The following COL14A1 variants were observed in gnomAD, a reference collection of about 807,000 sequenced individuals.
The protein encoded by COL14A1 is collagen alpha-1(XIV) chain.
COL14A1 carries 136 observed loss-of-function variants against 230.3 expected under a neutral mutation model. That is an observed-to-expected ratio of 0.59 (90% CI 0.51 to 0.68). The LOEUF is 0.68. COL14A1 is among the 30% of genes least tolerant of loss of function. The probability of loss-of-function intolerance (pLI) is 0.00; values close to 1 mark genes in which losing one functional copy is unlikely to be tolerated. For missense variants in COL14A1, 1,976 were observed against 2,215.8 expected, an observed-to-expected ratio of 0.89 and a Z score of 2.17; for synonymous variants, 792 against 784.1, an observed-to-expected ratio of 1.01 and a Z score of -0.17.
At chr8:120,323,123 A>T (rs560463575) in intron 40 of COL14A1, among the ~76,000 whole-genome samples, 1 of 152,102 alleles carries the variant, frequency 6.6e-6, no homozygotes, top group Non-Finnish European at 1.5e-5. Flanking sequence ...CTGGTGTGAG[A>T]TCGCATCTCA....
intron 45 of COL14A1, among the ~76,000 whole-genome samples, chr8:120,360,728 G>A (rs1259831800): frequency 6.6e-6 from 1 of 152,086 alleles, no homozygotes; most frequent in Non-Finnish European, 1.5e-5. Flanking sequence ...ACTCCATGAC[G>A]ACCTGCTACA....
At chr8:120,225,247 G>T in intron 15 of COL14A1, 33 bp downstream of exon 15, 1 of 1,603,808 alleles carries the variant, frequency 6.2e-7, no homozygotes, top group South Asian at 1.1e-5. Flanking sequence ...GAAAAGTTTT[G>T]AGAGTAGCTA....
intron 23 of COL14A1, among the ~76,000 whole-genome samples, chr8:120,257,433 G>A (rs1450330542): frequency 1.3e-5 from 2 of 152,050 alleles, no homozygotes; most frequent in Non-Finnish European, 2.9e-5. Flanking sequence ...ACTGGAAAAG[G>A]AATGTTTGAT....
At chr8:120,159,182 A>G (rs1815577574) in intron 3 of COL14A1, among the ~76,000 whole-genome samples, 1 of 152,214 alleles carries the variant, frequency 6.6e-6, no homozygotes, top group Non-Finnish European at 1.5e-5. Context: ...AATGCAGAAT[A>G]CTGGGCTCTA....
At chr8:120,270,252 G>C (rs865898119) in intron 26 of COL14A1, 78 bp downstream of exon 26, 4 of 1,387,874 alleles carry the variant, frequency 2.9e-6, no homozygotes, top group East Asian at 5.0e-5. Context: ...TACTTGTCAG[G>C]GACTATAGGT....
At chr8:120,178,667 G>C (rs1816364522) in intron 5 of COL14A1, among the ~76,000 whole-genome samples, 1 of 152,154 alleles carries the variant, frequency 6.6e-6, no homozygotes, top group South Asian at 2.1e-4. Flanking sequence ...CTTCCACAAT[G>C]GTTGAACTAA....
chr8:120,252,857 G>A (rs374942268), intron 22 of COL14A1, among the ~76,000 whole-genome samples: 5 of 152,142 alleles, frequency 3.3e-5, no homozygotes, highest in South Asian at 2.1e-4. Context: ...AGCGCCCCCC[G>A]ATTGCATATA....
chr8:120,318,631 T>C (rs1821322531), intron 40 of COL14A1, among the ~76,000 whole-genome samples: 1 of 152,084 alleles, frequency 6.6e-6, no homozygotes, highest in Non-Finnish European at 1.5e-5. Flanking sequence ...GGGCCATCTC[T>C]CCCTGGTTTG....
chr8:120,208,697 T>C (rs1353145092), intron 11 of COL14A1, among the ~76,000 whole-genome samples: 2 of 152,286 alleles, frequency 1.3e-5, no homozygotes, highest in Admixed American at 6.5e-5. Context: ...TCAGTAGAAG[T>C]AGAGAAAAAA....
intron 44 of COL14A1, among the ~76,000 whole-genome samples, chr8:120,343,264 T>C (rs1198069078): frequency 1.3e-5 from 2 of 152,136 alleles, no homozygotes; most frequent in Admixed American, 1.3e-4. Flanking sequence ...CAAGCAGAGG[T>C]GAACTATCTC....
chr8:120,177,856 G>A (rs1340052182), intron 5 of COL14A1, among the ~76,000 whole-genome samples: 1 of 151,612 alleles, frequency 6.6e-6, no homozygotes, highest in Non-Finnish European at 1.5e-5. Context: ...AACATAAAGA[G>A]TTCTGAAGAG....
In COL14A1 at chr8:120,280,978, G is replaced by A; in HGVS notation, c.3743G>A (p.Gly1248Glu). Residue 1248 changes from glycine (G) to glutamate (E), a missense_variant, in exon 31 of 48, where the codon GGG (glycine) becomes GAG (glutamate). This residue lies in a region of COL14A1 where 1,791 missense variants were observed against 2,019.5 expected (regional missense o/e 0.89). Transcript: ENST00000297848. ...LVEKDFSSVE[G>E]VSMEPGTFNV... ...GAAAAAGATTTTTCATCAGTGGAAG[G>A]GGTTTCTATGGAGCCTGGTACCTTC... 1.2e-6 allele frequency: 2 copies of A among 1,612,382 alleles called. No individual in the cohort carries two copies. The highest frequency in any genetic ancestry group is 1.7e-6 in the Non-Finnish European group (2 of 1,179,126).
At chr8:120,283,494 C>A in intron 31 of COL14A1, 142 bp from the exon 32 acceptor site, 1 of 766,792 alleles carries the variant, frequency 1.3e-6, no homozygotes, top group Non-Finnish European at 2.1e-6. Context: ...TAAATTAGAT[C>A]AACAGTGATC....
Position 120,297,494 on chromosome 8 carries a change from T to C in COL14A1, c.4237-17T>C. The stretch of plus-strand genomic sequence containing the variant: ...ATATATATTTTATTGAATGACAATT[T>C]TCTTTTTAAATCATAGTTCCAGTTA... On this transcript the variant is annotated splice_polypyrimidine_tract_variant and intron_variant, in intron 34 of 47. Transcript: ENST00000297848. The C allele has an allele frequency of 7.3e-7, 1 of 1,372,222 alleles. No individual in the cohort carries two copies. The allele number at this position is 1,372,222 out of a possible 1,614,324, so 85.0% of individuals were successfully genotyped here.
chr8:120,264,733 T>C (rs1359506911), intron 24 of COL14A1, among the ~76,000 whole-genome samples: 1 of 152,172 alleles, frequency 6.6e-6, no homozygotes, highest in Admixed American at 6.6e-5. Flanking sequence ...TCTATCTTCA[T>C]GGTGCCAATC....
intron 45 of COL14A1, among the ~76,000 whole-genome samples, chr8:120,358,261 AGAGTATGCTTTCTT>A (rs1823055313): frequency 6.6e-6 from 1 of 152,188 alleles, no homozygotes; most frequent in African/African-American, 2.4e-5. Flanking sequence ...ATACCCAGAT[AGAGTATGCTTTCTT>A]GAATTGGCCC....
chr8:120,183,540 T>C (rs1183583855), intron 5 of COL14A1, among the ~76,000 whole-genome samples: 1 of 152,218 alleles, frequency 6.6e-6, no homozygotes, highest in Non-Finnish European at 1.5e-5. Context: ...CCTAATCCCT[T>C]GTCTATATGA....
At chr8:120,213,858 T>A (rs1817677246) in intron 13 of COL14A1, 1 of 346,718 alleles carries the variant, frequency 2.9e-6, no homozygotes, top group African/African-American at 2.2e-5. Flanking sequence ...GTAATAGAAT[T>A]CCAGAAAAAT....
Position 120,279,977 on chromosome 8 carries a change from C to T in COL14A1, c.3524C>T (p.Ser1175Leu), listed in dbSNP as rs369127166. 42 of 1,613,588 alleles carry T rather than the reference C, an allele frequency of 2.6e-5. No homozygotes were observed. The highest frequency in any genetic ancestry group is 1.7e-5 in the Non-Finnish European group (20 of 1,179,820). The part of the protein sequence containing the change: ...FAIGVADADY[S>L]ELVSIGSKPS... ...ATTGGTGTGGCCGATGCAGATTACT[C>T]GGAGTTGGTTAGCATTGGCAGTAAG... Residue 1175 changes from serine to leucine, a missense_variant, in exon 29 of 48, where the codon TCG becomes TTG. Around this residue, in one of 3 missense-constraint regions of COL14A1, gnomAD observed 1,791 missense variants for 2,019.5 expected, o/e 0.89. Coordinates refer to ENST00000297848, the MANE Select transcript of COL14A1 (RefSeq NM_021110.4).
Sources: allele counts gnomAD v4.1 joint callset (sites outside exome capture counted in the v4.1 genomes callset), GRCh38; gene constraint gnomAD v4.1.1; regional missense constraint gnomAD v4.1.1; transcripts MANE v1.5; gene names NCBI Gene and HGNC (gene_info 2026-07-23, HGNC 2026-07-21).